LINGO2: variants seen among roughly 807,000 people sequenced by gnomAD.
The protein encoded by LINGO2 is leucine-rich repeat and immunoglobulin-like domain-containing nogo receptor-interacting protein 2.
In LINGO2, 14 loss-of-function variants were observed where a neutral mutation model predicts 30.6. The observed-to-expected ratio is 0.46, with a 90% CI of 0.30 to 0.72. The LOEUF is 0.72. Ranked by LOEUF, LINGO2 falls within the 30% of genes least tolerant of loss-of-function variation. LINGO2 has a pLI of 0.07. For synonymous variants in LINGO2, 317 were observed against 288.5 expected (o/e 1.10, Z -1.00); for missense variants, 729 against 751.7 (o/e 0.97, Z 0.35).
chr9:28,648,043 C>G (rs945142212), intron 1 of LINGO2, among the ~76,000 whole-genome samples: 2 of 151,808 alleles, frequency 1.3e-5, no homozygotes, highest in Non-Finnish European at 2.9e-5. Flanking sequence ...TGCTTAAGCA[C>G]AAGACAAGAC....
chr9:28,481,027 G>C (rs1825942624), intron 1 of LINGO2, among the ~76,000 whole-genome samples: 1 of 151,998 alleles, frequency 6.6e-6, no homozygotes, highest in African/African-American at 2.4e-5. Flanking sequence ...CTATAATGTT[G>C]TCAACTCATT....
At chr9:28,564,358 A>G (rs986971665) in intron 1 of LINGO2, among the ~76,000 whole-genome samples, 1 of 152,136 alleles carries the variant, frequency 6.6e-6, no homozygotes, top group African/African-American at 2.4e-5. Flanking sequence ...CCGGGAGTAG[A>G]TAATTCTAAA....
chr9:28,896,279 C>A, the LINGO2 span, among the ~76,000 whole-genome samples: 1 of 152,102 alleles, frequency 6.6e-6, no homozygotes, highest in Non-Finnish European at 1.5e-5. Flanking sequence ...TTTCTTATAT[C>A]CCATTCCAAA....
intron 4 of LINGO2, among the ~76,000 whole-genome samples, chr9:28,099,831 C>A: frequency 6.6e-6 from 1 of 152,254 alleles, no homozygotes; most frequent in East Asian, 1.9e-4. Context: ...CCCAAAGTTG[C>A]CATGCTCTTG....
chr9:28,472,287 T>A (rs1182656767), intron 2 of LINGO2, among the ~76,000 whole-genome samples: 2 of 151,782 alleles, frequency 1.3e-5, no homozygotes, highest in Non-Finnish European at 2.9e-5. Flanking sequence ...AAATAAAAAA[T>A]TACTTCTTAT....
At chr9:28,238,366 T>A (rs1322643857) in intron 4 of LINGO2, among the ~76,000 whole-genome samples, 10 of 152,194 alleles carry the variant, frequency 6.6e-5, no homozygotes. Context: ...ACCACATAGA[T>A]CATTCTCAAG....
At chr9:28,996,151 C>G in the LINGO2 span, among the ~76,000 whole-genome samples, 3 of 150,216 alleles carry the variant, frequency 2.0e-5, no homozygotes. Context: ...GAAGTAAGGC[C>G]TCCTTGCCAA....
At position 28,087,680 on chromosome 9, in the gene LINGO2, G is replaced by T. The variant is rs116253888; in HGVS notation, c.-86-75275C>A. On this transcript the variant is annotated intron_variant, in intron 4 of 5. Transcript: ENST00000379992. ...ACTCAACATGCATTTCCATTTTCAT[G>T]CCCCCTCTCACAACTCAGCCAGCTG... 2.8e-3 allele frequency among the ~76,000 whole-genome samples: 433 copies of T among 151,952 alleles called. 1 individual carries two copies. The highest frequency in any genetic ancestry group is 9.8e-3 in the African/African-American group (405 of 41,448).
chr9:29,145,375 A>G, the LINGO2 span, among the ~76,000 whole-genome samples: 2 of 151,904 alleles, frequency 1.3e-5, no homozygotes, highest in African/African-American at 2.4e-5. Context: ...CCAAGAGGCT[A>G]TGATAGCTCT....
At chr9:29,133,604 T>C in the LINGO2 span, among the ~76,000 whole-genome samples, 2 of 152,116 alleles carry the variant, frequency 1.3e-5, no homozygotes, top group African/African-American at 2.4e-5. Context: ...TTTTTTAAAA[T>C]GCAAAATTTC....
At chr9:28,973,633 A>G in the LINGO2 span, among the ~76,000 whole-genome samples, 2 of 152,336 alleles carry the variant, frequency 1.3e-5, no homozygotes, top group Non-Finnish European at 2.9e-5. Flanking sequence ...AGGCCTCCCC[A>G]GCCATGTGGA....
At chr9:28,926,247 G>A in the LINGO2 span, among the ~76,000 whole-genome samples, 24 of 152,170 alleles carry the variant, frequency 1.6e-4, no homozygotes, top group Non-Finnish European at 3.2e-4. Flanking sequence ...CTGAGAGGCA[G>A]AGGTTGCAGT....
intron 4 of LINGO2, among the ~76,000 whole-genome samples, chr9:28,177,518 C>A (rs2095617207): frequency 6.6e-6 from 1 of 152,132 alleles, no homozygotes; most frequent in East Asian, 1.9e-4. Context: ...CCATTATGTT[C>A]CCCAGTTAAA....
the LINGO2 span, among the ~76,000 whole-genome samples, chr9:28,933,337 C>A: frequency 6.6e-6 from 1 of 152,206 alleles, no homozygotes; most frequent in Admixed American, 6.5e-5. Context: ...AACTCTTTTG[C>A]AAACTCTTTG....
intron 1 of LINGO2, among the ~76,000 whole-genome samples, chr9:28,503,051 C>T (rs996309899): frequency 1.3e-5 from 2 of 151,958 alleles, no homozygotes; most frequent in Admixed American, 1.3e-4. Context: ...CTTTGCTCTG[C>T]ATCAGTAATG....
the LINGO2 span, among the ~76,000 whole-genome samples, chr9:28,938,518 A>G: frequency 6.6e-6 from 1 of 152,188 alleles, no homozygotes; most frequent in Non-Finnish European, 1.5e-5. Flanking sequence ...TGGTTGTCCC[A>G]TAAGATTATA....
At chr9:28,391,726 C>G (rs1399196067) in intron 2 of LINGO2, among the ~76,000 whole-genome samples, 2 of 151,836 alleles carry the variant, frequency 1.3e-5, no homozygotes, top group Non-Finnish European at 2.9e-5. Flanking sequence ...AAGCCTGACC[C>G]CTCCTTATCA....
intron 2 of LINGO2, among the ~76,000 whole-genome samples, chr9:28,393,382 T>G (rs367934921): frequency 1.4e-4 from 22 of 152,230 alleles, no homozygotes; most frequent in African/African-American, 5.1e-4. Flanking sequence ...CCATTTCATA[T>G]GCAAGGAAAA....
the LINGO2 span, among the ~76,000 whole-genome samples, chr9:29,112,664 A>C: frequency 6.6e-6 from 1 of 152,182 alleles, no homozygotes; most frequent in African/African-American, 2.4e-5. Context: ...TCAAAAACAT[A>C]CTGGAAAAAT....
Sources: gnomAD v4.1 joint callset for allele counts (sites outside exome capture counted in the v4.1 genomes callset) on GRCh38, gnomAD v4.1.1 for gene constraint, MANE v1.5 for transcripts, NCBI Gene and HGNC (gene_info 2026-07-23, HGNC 2026-07-21) for gene names.